ZP3: variants seen among roughly 807,000 people sequenced by gnomAD.
ZP3 encodes the protein zona pellucida sperm-binding protein 3.
In ZP3, 21 loss-of-function variants were observed where a neutral mutation model predicts 35.6. The ratio of observed to expected loss-of-function variants is 0.59; its 90% CI spans 0.42 to 0.85. The LOEUF (loss-of-function observed/expected upper bound fraction) is 0.85, where lower values mean the gene tolerates loss of function less well. Among genes scored for constraint, ZP3 ranks in the 40% least tolerant of loss-of-function variants. The pLI, the probability that ZP3 is intolerant of heterozygous loss-of-function variation, is 0.00. For synonymous variants in ZP3, 207 were observed against 214.5 expected, an observed-to-expected ratio of 0.96 and a Z score of 0.31; for missense variants, 437 against 536.5, an observed-to-expected ratio of 0.81 and a Z score of 1.83.
intron 1 of ZP3, among the ~76,000 whole-genome samples, chr7:76,413,031 C>G (rs903317813): frequency 2.2e-5 from 3 of 136,402 alleles, no homozygotes; most frequent in Non-Finnish European, 3.1e-5. Flanking sequence ...GATGTGATCT[C>G]GGTTCACTGC....
rs1183657212 is a variant in ZP3 at position 76,410,414 on chromosome 7, T to C, written c.-67+12617T>C. Among the ~76,000 whole-genome samples, 6 of 150,466 alleles carry C rather than the reference T, an allele frequency of 4.0e-5. No homozygotes were observed. The Admixed American group carries it at 4.0e-4, about 10-fold the overall frequency. ...TTGCCCAGGCTGGAGTGCAATGGTG[T>C]GATCTCAGCTCACAGCAACGTCCGT... On this transcript the variant is annotated intron_variant, in intron 1 of 8. Coordinates refer to the ZP3 transcript ENST00000336517.
rs571980270 is a variant in ZP3, at chr7:76,417,551, C to T, written c.-66-7501C>T. Among the ~76,000 whole-genome samples, 8 of 152,082 alleles carry T rather than the reference C, an allele frequency of 5.3e-5. No individual in the cohort carries two copies. The East Asian group carries it at 5.8e-4, about 11-fold the overall frequency. On this transcript the variant is annotated intron_variant, in intron 1 of 8. Coordinates refer to the ZP3 transcript ENST00000336517. ...GTGATTCCTCTTATTTTCCATCACACGCCAGGTATTTTGTCTTCCCAGGTT... is the reference window on the plus strand; with the variant it reads ...GTGATTCCTCTTATTTTCCATCACATGCCAGGTATTTTGTCTTCCCAGGTT...
At chr7:76,431,347 C>T (rs1020015622) in intron 2 of ZP3, among the ~76,000 whole-genome samples, 1 of 152,190 alleles carries the variant, frequency 6.6e-6, no homozygotes, top group Admixed American at 6.6e-5. Context: ...GATGGTGGCT[C>T]ACCTGGTCCA....
intron 5 of ZP3, among the ~76,000 whole-genome samples, chr7:76,437,496 T>C (rs1343690990): frequency 2.0e-5 from 3 of 150,436 alleles, no homozygotes; most frequent in Admixed American, 6.6e-5. Flanking sequence ...TTGTTTTTTT[T>C]TGGGGGGAAA....
chr7:76,430,658 C>T (rs1805801150), intron 2 of ZP3, among the ~76,000 whole-genome samples: 2 of 152,288 alleles, frequency 1.3e-5, no homozygotes, highest in South Asian at 2.1e-4. Flanking sequence ...TCATTTGAAC[C>T]CAGGATGCAG....
chr7:76,427,992 A>G (rs1584059445), intron 1 of ZP3, among the ~76,000 whole-genome samples: 1 of 152,004 alleles, frequency 6.6e-6, no homozygotes, highest in East Asian at 1.9e-4. Context: ...GTTTTTAAAT[A>G]AGCTCCCTGA....
At chr7:76,440,155 C>T (rs1806152524) in intron 5 of ZP3, 95 bp from the exon 6 acceptor site, 12 of 1,481,794 alleles carry the variant, frequency 8.1e-6, no homozygotes, top group South Asian at 2.6e-5. Flanking sequence ...CCCCTTCTCA[C>T]TCTTTAAAGG....
At chr7:76,435,755 GTCTCAC>G (rs1341308755) in intron 5 of ZP3, among the ~76,000 whole-genome samples, 2 of 145,630 alleles carry the variant, frequency 1.4e-5, no homozygotes. Flanking sequence ...TTTTGAGACA[GTCTCAC>G]TCTGTCACCC....
chr7:76,401,169 T>C (rs1385224813), intron 1 of ZP3: 7 of 1,298,594 alleles, frequency 5.4e-6, no homozygotes, highest in Non-Finnish European at 7.2e-6. Context: ...TCAGTACCCC[T>C]GCTTTGCCAA....
intron 3 of ZP3, among the ~76,000 whole-genome samples, chr7:76,433,262 C>T (rs911555826): frequency 2.6e-5 from 4 of 151,256 alleles, no homozygotes; most frequent in African/African-American, 7.3e-5. Context: ...TCAAACGATT[C>T]TCCTGCCTCA....
At chr7:76,427,686 C>A (rs921968277) in intron 1 of ZP3, among the ~76,000 whole-genome samples, 5 of 152,094 alleles carry the variant, frequency 3.3e-5, no homozygotes, top group Non-Finnish European at 5.9e-5. Flanking sequence ...GGGGCACTTG[C>A]TAATAAGGTC....
Position 76,424,969 on chromosome 7 carries a change from A to T in ZP3, c.5A>T (p.Glu2Val), listed in dbSNP as rs756778893. The part of the protein sequence containing the change: M[E>V]LSYRLFICLL... ...GCCTGCTGCTCTGCAGGTACCATGG[A>T]GCTGAGCTATAGGCTCTTCATCTGC... The change falls in exon 1 of 8, where the codon GAG (glutamate) becomes GTG (valine). Residue 2 changes from glutamate to valine, a missense_variant. Around this residue, in one of 6 missense-constraint regions of ZP3, gnomAD observed 352 missense variants for 308.4 expected, o/e 1.14. Coordinates refer to ENST00000394857, the MANE Select transcript of ZP3 (RefSeq NM_001110354.2). The T allele has an allele frequency of 2.7e-5, 42 of 1,531,610 alleles. No homozygotes were observed. The highest frequency in any genetic ancestry group is 3.7e-5 in the Non-Finnish European group (42 of 1,138,928). 94.9% of individuals were successfully genotyped at this position (1,531,610 alleles called of 1,614,324 possible). A position where few individuals can be genotyped will look rare whatever the true frequency, so the allele number is the denominator to read the frequency against.
upstream of ZP3, among the ~76,000 whole-genome samples, chr7:76,423,207 G>A (rs1805568395): frequency 6.6e-6 from 1 of 150,890 alleles, no homozygotes; most frequent in South Asian, 2.1e-4. Flanking sequence ...GAGGGAGAGA[G>A]AGGGAAAGAG....
In ZP3 at chr7:76,411,004, A is replaced by G. The variant is rs796415923; in HGVS notation, c.-67+13207A>G. 9.2e-3 allele frequency among the ~76,000 whole-genome samples: 1,281 copies of G among 139,038 alleles called. 35 individuals carry two copies. Among genetic ancestry groups the G allele is most frequent in the African/African-American group, 0.034 (1,221 of 35,918 alleles). The allele number at this position is 139,038 out of a possible 152,430, so 91.2% of individuals were successfully genotyped here. On this transcript the variant is annotated intron_variant, in intron 1 of 8. Transcript: ENST00000336517. Reference sequence around the variant, plus strand: ...AGCAAGACTCCATCTCAAAAGAAAAAAAAAAAAAAAAAAGAAAAGAAAATA... The same window carrying G: ...AGCAAGACTCCATCTCAAAAGAAAAGAAAAAAAAAAAAAGAAAAGAAAATA...
intron 1 of ZP3, among the ~76,000 whole-genome samples, chr7:76,399,038 GTCTTGC>G (rs1393030617): frequency 2.0e-5 from 3 of 152,120 alleles, no homozygotes; most frequent in African/African-American, 4.8e-5. Context: ...TTGAGATGGA[GTCTTGC>G]TCTGTCGCTC....
At position 76,441,864 on chromosome 7, in the gene ZP3, C is replaced by T. The variant is rs201735348; in HGVS notation, c.1083C>T (p.Thr361=). The T allele has an allele frequency of 3.9e-4, 635 of 1,613,220 alleles. 9 individuals carry two copies. In the South Asian group the frequency reaches 5.9e-3, roughly 15 times the overall value. The change falls in exon 8 of 8, where the codon ACC becomes ACT. Residue 361 remains threonine (T), a synonymous_variant. Coordinates refer to ENST00000394857, the MANE Select transcript of ZP3 (RefSeq NM_001110354.2). ...CAGTGACAGAAGAAGCAGATGTCAC[C>T]GTGGGGCCACTGATCTTCCTGGACA... The part of the protein sequence containing the change: ...RRHVTEEADV[T]VGPLIFLDRR...
At chr7:76,426,874 C>A (rs1425941219) in intron 1 of ZP3, among the ~76,000 whole-genome samples, 3 of 126,692 alleles carry the variant, frequency 2.4e-5, no homozygotes, top group Non-Finnish European at 4.9e-5. Flanking sequence ...CTACCAAACA[C>A]CACACACACA....
intron 1 of ZP3, among the ~76,000 whole-genome samples, chr7:76,415,498 T>TA (rs1293460111): frequency 6.6e-6 from 1 of 151,592 alleles, no homozygotes; most frequent in Non-Finnish European, 1.5e-5. Context: ...ATTTTTTATT[T>TA]ATTTATTTTT....
At chr7:76,403,193 A>C (rs113571521) in intron 1 of ZP3, among the ~76,000 whole-genome samples, 351 of 152,270 alleles carry the variant, frequency 2.3e-3, no homozygotes, top group African/African-American at 8.1e-3. Context: ...GGAAACAGGG[A>C]AGTGAAATTT....
Sources: allele counts gnomAD v4.1 joint callset (sites outside exome capture counted in the v4.1 genomes callset), GRCh38; gene constraint gnomAD v4.1.1; regional missense constraint gnomAD v4.1.1; transcripts MANE v1.5; gene names NCBI Gene and HGNC (gene_info 2026-07-23, HGNC 2026-07-21).